Variants in ZAN observed in about 807,000 individuals in gnomAD.
ZAN encodes zonadhesin, also known as zonadhesin (gene/pseudogene).
A neutral mutation model predicts 286.2 loss-of-function variants in ZAN; 260 were observed. The observed-to-expected ratio is 0.91, with a 90% CI of 0.82 to 1.01. ZAN has a LOEUF of 1.01. Among genes scored for constraint, ZAN ranks in the 50% least tolerant of loss-of-function variants. The probability of loss-of-function intolerance (pLI) is 0.00; values close to 1 mark genes in which losing one functional copy is unlikely to be tolerated. For missense variants in ZAN, 3,410 were observed against 3,639.2 expected (o/e 0.94, Z 1.62); for synonymous variants, 1,368 against 1,417.5 (o/e 0.97, Z 0.79).
rs1377832206 is a variant in ZAN at position 100,738,858 on chromosome 7, C to T, written c.766+245C>T. On this transcript the variant is annotated intron_variant, in intron 7 of 47. Coordinates refer to ENST00000613979, the MANE Select transcript of ZAN (RefSeq NM_003386.3). ...TCTGTGGCTCTTCTTCTTCTTCTTT[C>T]TCTTCCTCTTCTTCTTCTCCCTCTC... Among the ~76,000 whole-genome samples, 4 of 85,140 alleles carry T rather than the reference C, an allele frequency of 4.7e-5. 2 individuals carry two copies. The highest frequency in any genetic ancestry group is 7.3e-5 in the African/African-American group (2 of 27,276). The allele number at this position is 85,140 out of a possible 152,430, so 55.9% of individuals were successfully genotyped here.
intron 12 of ZAN, 37 bp from the exon 13 acceptor site, chr7:100,751,145 T>G: frequency 1.3e-6 from 2 of 1,517,544 alleles, no homozygotes; most frequent in Non-Finnish European, 1.8e-6. Context: ...GATTCATTTT[T>G]GTTTCTCTCT....
At chr7:100,757,917 G>A (rs1357438542) in intron 15 of ZAN, among the ~76,000 whole-genome samples, 10 of 128,848 alleles carry the variant, frequency 7.8e-5, no homozygotes, top group Admixed American at 5.7e-4. Context: ...TCTCCAAAAC[G>A]TTAAAAAAAA....
intron 2 of ZAN, among the ~76,000 whole-genome samples, chr7:100,734,499 G>A (rs113861900): frequency 2.2e-5 from 3 of 139,344 alleles, no homozygotes; most frequent in Non-Finnish European, 3.2e-5. Context: ...TGCACCTGTA[G>A]TCCCAGCTAC....
Position 100,765,367 on chromosome 7 carries a change from C to G in ZAN, c.4283C>G (p.Pro1428Arg), listed in dbSNP as rs771004423. 6.2e-7 allele frequency: 1 copy of G among 1,613,942 alleles called. No homozygotes were observed. The highest frequency in any genetic ancestry group is 1.1e-5 in the South Asian group (1 of 91,058). Residue 1428 changes from proline to arginine, a missense_variant, in exon 23 of 48, where the codon CCC (proline) becomes CGC (arginine). Pro to Arg is a moderately radical substitution (Grantham distance 103). Coordinates refer to ENST00000613979, the MANE Select transcript of ZAN (RefSeq NM_003386.3). ...CCTCCACCAGCAATGGCCTGCCCGCCCAACAGCAAGTACTCCCTGTGTGCG... is the reference window on the plus strand; with the variant it reads ...CCTCCACCAGCAATGGCCTGCCCGCGCAACAGCAAGTACTCCCTGTGTGCG... The part of the protein sequence containing the change: ...EPHFCPMACP[P>R]NSKYSLCAKP...
chr7:100,767,627 C>G (rs1459741594), intron 25 of ZAN, among the ~76,000 whole-genome samples: 1 of 151,684 alleles, frequency 6.6e-6, no homozygotes, highest in Non-Finnish European at 1.5e-5. Context: ...AGGCATGCAC[C>G]ACCTGCACGG....
At position 100,736,052 on chromosome 7, in the gene ZAN, C is replaced by G. The variant is rs534442935; in HGVS notation, c.106+280C>G. ...CTGCTCTGGGCCGGGTGCTGTGGCT[C>G]ACACCTGTCATCCCAACACTTAGGG... On this transcript the variant is annotated intron_variant, in intron 3 of 47. Coordinates refer to ENST00000613979, the MANE Select transcript of ZAN (RefSeq NM_003386.3). Among the ~76,000 whole-genome samples, 39 of 141,536 alleles carry G rather than the reference C, an allele frequency of 2.8e-4. 5 individuals are homozygous for G. The highest frequency in any genetic ancestry group is 3.4e-3 in the Middle Eastern group (1 of 294). The allele number at this position is 141,536 out of a possible 152,430, so 92.9% of individuals were successfully genotyped here.
intron 14 of ZAN, among the ~76,000 whole-genome samples, chr7:100,754,787 C>A (rs1809027753): frequency 1.3e-5 from 2 of 151,872 alleles, no homozygotes; most frequent in South Asian, 4.2e-4. Flanking sequence ...CCTCGGCCTC[C>A]CAAAGTCTTG....
In ZAN at chr7:100,763,571, G is replaced by C. The variant is rs758437825; in HGVS notation, c.3987-235G>C. Among the ~76,000 whole-genome samples the C allele has an allele frequency of 9.2e-5, 14 of 152,046 alleles. No homozygotes were observed. The highest frequency in any genetic ancestry group is 2.1e-4 in the Non-Finnish European group (14 of 68,000). On this transcript the variant is annotated intron_variant, in intron 20 of 47. Coordinates refer to ENST00000613979, the MANE Select transcript of ZAN (RefSeq NM_003386.3). The surrounding 1 kb of genome is among the most constrained non-coding windows in gnomAD (Gnocchi z 4.6). ...TTTCATATTTATTTTTAAAGAGATG[G>C]GATCTCAGTGTGTTACCCAGGCTGG...
At chr7:100,783,262 C>G (rs1811307699) in intron 35 of ZAN, among the ~76,000 whole-genome samples, 2 of 151,864 alleles carry the variant, frequency 1.3e-5, no homozygotes, top group African/African-American at 4.8e-5. Flanking sequence ...GAGCGAAACT[C>G]TATCTCAAAA....
rs749033711 is a variant in ZAN at position 100,762,378 on chromosome 7, A to G, written c.3986+20A>G. 2.0e-6 allele frequency: 3 copies of G among 1,480,782 alleles called. No individual in the cohort carries two copies. Among genetic ancestry groups the G allele is most frequent in the East Asian group, 5.4e-5 (2 of 37,044 alleles). The allele number at this position is 1,480,782 out of a possible 1,614,324, so 91.7% of individuals were successfully genotyped here. On this transcript the variant is annotated intron_variant, in intron 20 of 47. Transcript: ENST00000613979. ...CCAGGAGTGAGCAAGGAGCCCTCCC[A>G]CCGGGGCCCTGGGAAGGTTCCGTCC...
At chr7:100,748,255 C>T (rs765697830) in intron 10 of ZAN, 40 bp downstream of exon 10, 23 of 1,613,608 alleles carry the variant, frequency 1.4e-5, no homozygotes, top group African/African-American at 2.7e-5. Context: ...TCTCAGAATC[C>T]GGGGTGGGCT....
intron 40 of ZAN, among the ~76,000 whole-genome samples, chr7:100,791,506 A>C (rs1394103460): frequency 2.0e-5 from 3 of 151,462 alleles, no homozygotes; most frequent in Admixed American, 6.6e-5. Flanking sequence ...TCCCAGTTTC[A>C]AGTGATTCTC....
chr7:100,766,274 G>A (rs1584593331), intron 23 of ZAN, among the ~76,000 whole-genome samples: 1 of 151,992 alleles, frequency 6.6e-6, no homozygotes, highest in East Asian at 1.9e-4. Context: ...GGCGTGAGCC[G>A]CCACACCTGG....
At chr7:100,755,451 A>G in intron 15 of ZAN, 41 bp downstream of exon 15, 2 of 1,594,734 alleles carry the variant, frequency 1.3e-6, no homozygotes, top group Non-Finnish European at 1.7e-6. Flanking sequence ...AGGGAGATTG[A>G]TGGCAGAACA....
intron 8 of ZAN, 96 bp downstream of exon 8, chr7:100,746,798 G>A: frequency 7.0e-7 from 1 of 1,430,740 alleles, no homozygotes; most frequent in East Asian, 2.3e-5. Flanking sequence ...AGGGTCTAGG[G>A]AGGTCTGGAA....
chr7:100,759,954 C>A (rs1293002219), intron 18 of ZAN, 109 bp downstream of exon 18: 2 of 1,443,796 alleles, frequency 1.4e-6, no homozygotes, highest in Non-Finnish European at 1.8e-6. Context: ...AGACAGTGAC[C>A]TGCAATCCCA....
rs372847770 is a variant in ZAN at position 100,791,065 on chromosome 7, G to C, written c.7481G>C (p.Gly2494Ala). Residue 2494 changes from glycine to alanine, a missense_variant, in exon 40 of 48, where the codon GGC becomes GCC. Coordinates refer to ENST00000613979, the MANE Select transcript of ZAN (RefSeq NM_003386.3). Reference sequence around the variant, plus strand: ...CTGACCCAGAACCTCAACACCTTTGGCAACAGCTGGGAGGTGAAGACCGAG... The same window carrying C: ...CTGACCCAGAACCTCAACACCTTTGCCAACAGCTGGGAGGTGAAGACCGAG... The part of the protein sequence containing the change: ...GALTQNLNTF[G>A]NSWEVKTEDA... The C allele has an allele frequency of 1.1e-5, 18 of 1,613,162 alleles. No individual in the cohort carries two copies. In the African/African-American group the frequency reaches 1.9e-4, roughly 17 times the overall value.
Position 100,736,491 on chromosome 7 carries a change from A to G in ZAN, c.115A>G (p.Thr39Ala). 6.6e-7 allele frequency: 1 copy of G among 1,523,408 alleles called. No individual in the cohort carries two copies. The highest frequency in any genetic ancestry group is 9.0e-7 in the Non-Finnish European group (1 of 1,107,908). The allele number at this position is 1,523,408 out of a possible 1,614,324, so 94.4% of individuals were successfully genotyped here. A position where few individuals can be genotyped will look rare whatever the true frequency, so the allele number is the denominator to read the frequency against. The change falls in exon 4 of 48, where the codon ACC (threonine) becomes GCC (alanine). Residue 39 changes from threonine (T) to alanine (A), a missense_variant. By Grantham distance (58) the Thr-to-Ala change is moderately conservative (BLOSUM62 0). This residue lies in a region of ZAN where 872 missense variants were observed against 938.9 expected (regional missense o/e 0.93). Coordinates refer to ENST00000613979, the MANE Select transcript of ZAN (RefSeq NM_003386.3). ...TGACCCATTCTTCCTAGATGTCCTC[A>G]CCCAGTGTGATTTTGAGGATGACGC... ...VRSSRDNYVLTQCDFEDDAKP... is the reference protein window; with the variant it reads ...VRSSRDNYVLAQCDFEDDAKP...
At chr7:100,749,960 A>C (rs1362579026) in intron 11 of ZAN, among the ~76,000 whole-genome samples, 1 of 148,982 alleles carries the variant, frequency 6.7e-6, no homozygotes, top group Non-Finnish European at 1.5e-5. Context: ...CTGAGGCAGG[A>C]CAATCGCTTG....
Sources: gnomAD v4.1 joint callset for allele counts (sites outside exome capture counted in the v4.1 genomes callset) on GRCh38, gnomAD v4.1.1 for gene constraint, gnomAD v4.1.1 regional missense constraint, Gnocchi (gnomAD v3.1) non-coding constraint, MANE v1.5 for transcripts, NCBI Gene and HGNC (gene_info 2026-07-23, HGNC 2026-07-21) for gene names.